Variants in AQP11 observed in about 807,000 individuals in gnomAD.
AQP11 encodes aquaporin-11.
AQP11 carries 20 observed loss-of-function variants against 21.1 expected under a neutral mutation model. The observed-to-expected ratio is 0.95, with a 90% CI of 0.67 to 1.38. The LOEUF (loss-of-function observed/expected upper bound fraction) is 1.38. AQP11 is among the 40% of genes most tolerant of loss of function. The pLI, the probability that AQP11 is intolerant of heterozygous loss-of-function variation, is 0.00. For synonymous variants in AQP11, 167 were observed against 150.1 expected (o/e 1.11, Z -0.82); for missense variants, 339 against 340.4 (o/e 1.00, Z 0.03).
intron 1 of AQP11, among the ~76,000 whole-genome samples, chr11:77,596,463 TATATATGTAA>T: frequency 7.0e-6 from 1 of 142,174 alleles, no homozygotes; most frequent in Non-Finnish European, 1.5e-5. Context: ...AAAATATATA[TATATATGTAA>T]ATATATATGT....
chr11:77,598,360 C>T (rs528577440), intron 1 of AQP11, among the ~76,000 whole-genome samples: 1 of 152,302 alleles, frequency 6.6e-6, no homozygotes, highest in South Asian at 2.1e-4. Flanking sequence ...TCACCAAATC[C>T]ATGCTGTCCT....
At chr11:77,595,521 T>C (rs1302305804) in intron 1 of AQP11, among the ~76,000 whole-genome samples, 1 of 152,220 alleles carries the variant, frequency 6.6e-6, no homozygotes, top group Non-Finnish European at 1.5e-5. Context: ...TTATTTGTCA[T>C]AACATATATC....
At position 77,590,376 on chromosome 11, in the gene AQP11, C is replaced by T. The variant is rs1300913629; in HGVS notation, c.384C>T (p.Ala128=). The T allele has an allele frequency of 3.1e-6, 5 of 1,613,776 alleles. No homozygotes were observed. Among genetic ancestry groups the T allele is most frequent in the Non-Finnish European group, 4.2e-6 (5 of 1,180,008 alleles). Residue 128 remains alanine, a synonymous_variant, in exon 1 of 3, where the codon GCC becomes GCT. Coordinates refer to ENST00000313578, the MANE Select transcript of AQP11 (RefSeq NM_173039.3). ...AVRLLAQLVS[A]LCSRYCTSAL... Reference sequence around the variant, plus strand: ...GGCTATTGGCTCAGCTGGTTAGTGCCCTGTGCAGCAGGTACTGCACAAGCG... The same window carrying T: ...GGCTATTGGCTCAGCTGGTTAGTGCTCTGTGCAGCAGGTACTGCACAAGCG...
At chr11:77,597,747 A>G (rs1288490259) in intron 1 of AQP11, among the ~76,000 whole-genome samples, 1 of 151,570 alleles carries the variant, frequency 6.6e-6, no homozygotes, top group Non-Finnish European at 1.5e-5. Flanking sequence ...TTAGAGAGGT[A>G]TTTTCTTTTT....
chr11:77,598,655 C>T (rs930942391), intron 1 of AQP11, among the ~76,000 whole-genome samples: 11 of 152,192 alleles, frequency 7.2e-5, no homozygotes, highest in African/African-American at 2.7e-4. Flanking sequence ...CTTCCTTCCA[C>T]GGTAATCCTT....
chr11:77,597,341 G>A lies in AQP11; in HGVS notation c.620-6215G>A, dbSNP rs1353833304. Among the ~76,000 whole-genome samples the A allele has an allele frequency of 2.0e-5, 3 of 152,232 alleles. No individual in the cohort carries two copies. In the East Asian group the frequency reaches 5.8e-4, roughly 29 times the overall value. ...AATCCCAGCACTTTGGGAGGCCAAGGTGGGCGGATCGCTTGAGGCCAGGAG... is the reference window on the plus strand; with the variant it reads ...AATCCCAGCACTTTGGGAGGCCAAGATGGGCGGATCGCTTGAGGCCAGGAG... On this transcript the variant is annotated intron_variant, in intron 1 of 2. Coordinates refer to ENST00000313578, the MANE Select transcript of AQP11 (RefSeq NM_173039.3).
At chr11:77,591,684 A>G (rs745822966) in intron 1 of AQP11, among the ~76,000 whole-genome samples, 3 of 152,010 alleles carry the variant, frequency 2.0e-5, no homozygotes, top group Non-Finnish European at 4.4e-5. Context: ...AGCCTCGCCA[A>G]CATGGTGAAA....
chr11:77,600,957 A>G (rs1305060408), intron 1 of AQP11, among the ~76,000 whole-genome samples: 1 of 151,572 alleles, frequency 6.6e-6, no homozygotes, highest in African/African-American at 2.4e-5. Flanking sequence ...GCTTGCAGTG[A>G]GCCGAGATCA....
At chr11:77,608,033 TG>T (rs1404813761) in intron 2 of AQP11, among the ~76,000 whole-genome samples, 6 of 152,078 alleles carry the variant, frequency 3.9e-5, no homozygotes, top group African/African-American at 1.2e-4. Flanking sequence ...GGTATCTAAG[TG>T]GTTGCCAAAC....
At chr11:77,607,919 A>C (rs1200069854) in intron 2 of AQP11, among the ~76,000 whole-genome samples, 1 of 152,126 alleles carries the variant, frequency 6.6e-6, no homozygotes, top group Non-Finnish European at 1.5e-5. Context: ...AAAAAATGAC[A>C]AAAAAATCTG....
Position 77,603,559 on chromosome 11 carries a change from G to A in AQP11, c.623G>A (p.Gly208Glu). The A allele has an allele frequency of 1.3e-6, 2 of 1,576,598 alleles. No individual in the cohort carries two copies. The highest frequency in any genetic ancestry group is 2.3e-5 in the East Asian group (1 of 43,436). Reference sequence around the variant, plus strand: ...CTCTGCTTAAAATCTGTTACAGGAGGAAGTCTAACAGGAGCTGTATTTAAT... The same window carrying A: ...CTCTGCTTAAAATCTGTTACAGGAGAAAGTCTAACAGGAGCTGTATTTAAT... Reference protein sequence around the residue: ...ALITFLVYAGGSLTGAVFNPA... With the variant: ...ALITFLVYAGESLTGAVFNPA... Residue 208 changes from glycine to glutamate, a missense_variant, in exon 2 of 3, where the codon GGA becomes GAA. By Grantham distance (98) the Gly-to-Glu change is moderately conservative. Coordinates refer to ENST00000313578, the MANE Select transcript of AQP11 (RefSeq NM_173039.3).
At chr11:77,599,273 TA>T (rs1226285528) in intron 1 of AQP11, among the ~76,000 whole-genome samples, 1 of 152,148 alleles carries the variant, frequency 6.6e-6, no homozygotes, top group Admixed American at 6.5e-5. Context: ...CTTTATTAAT[TA>T]TTTTTTTAAT....
At chr11:77,605,458 G>A (rs1374900200) in intron 2 of AQP11, among the ~76,000 whole-genome samples, 4 of 152,240 alleles carry the variant, frequency 2.6e-5, no homozygotes, top group South Asian at 4.2e-4. Flanking sequence ...TAACCAGGCC[G>A]CACAGCAGGA....
At chr11:77,590,755 C>T (rs1235607015) in intron 1 of AQP11, 144 bp downstream of exon 1, 2 of 1,480,100 alleles carry the variant, frequency 1.4e-6, no homozygotes, top group Non-Finnish European at 1.8e-6. Context: ...ATTTTGCAGC[C>T]CGTTCTTAAC....
At chr11:77,602,617 A>T (rs2135749614) in intron 1 of AQP11, among the ~76,000 whole-genome samples, 1 of 152,334 alleles carries the variant, frequency 6.6e-6, no homozygotes, top group East Asian at 1.9e-4. Flanking sequence ...AAATATCTTC[A>T]TCTCAACACA....
At chr11:77,604,595 C>A (rs753998940) in intron 2 of AQP11, among the ~76,000 whole-genome samples, 38 of 152,106 alleles carry the variant, frequency 2.5e-4, no homozygotes, top group Non-Finnish European at 4.6e-4. Flanking sequence ...CCTTGTTAGT[C>A]ATTTTCTTTA....
At position 77,609,869 on chromosome 11, in the gene AQP11, T is replaced by C. The variant is rs1228017781; in HGVS notation, c.*492T>C. ...GCAGTGTCATCTTTCAACAGGAAAGTTGCTTTTAGAAGTAGAATATATATT... is the reference window on the plus strand; with the variant it reads ...GCAGTGTCATCTTTCAACAGGAAAGCTGCTTTTAGAAGTAGAATATATATT... On this transcript the variant is annotated 3_prime_UTR_variant, in exon 3 of 3. Coordinates refer to ENST00000313578, the MANE Select transcript of AQP11 (RefSeq NM_173039.3). 1 of 152,336 alleles carries C rather than the reference T, an allele frequency of 6.6e-6. No homozygotes were observed. The highest frequency in any genetic ancestry group is 1.5e-5 in the Non-Finnish European group (1 of 68,124). The allele number at this position is 152,336 out of a possible 1,614,324, so 9.4% of individuals were successfully genotyped here. A position where few individuals can be genotyped will look rare whatever the true frequency, so the allele number is the denominator to read the frequency against.
chr11:77,604,994 C>A (rs1958835719), intron 2 of AQP11, among the ~76,000 whole-genome samples: 1 of 152,062 alleles, frequency 6.6e-6, no homozygotes, highest in South Asian at 2.1e-4. Context: ...GGGATTGAGA[C>A]CATCCTGGCT....
At chr11:77,596,261 T>C (rs1041733092) in intron 1 of AQP11, among the ~76,000 whole-genome samples, 2 of 150,796 alleles carry the variant, frequency 1.3e-5, no homozygotes, top group Non-Finnish European at 3.0e-5. Context: ...GCCAACATGG[T>C]AAAGCCCCAT....
Sources: gnomAD v4.1 joint callset for allele counts (sites outside exome capture counted in the v4.1 genomes callset) on GRCh38, gnomAD v4.1.1 for gene constraint, MANE v1.5 for transcripts, NCBI Gene and HGNC (gene_info 2026-07-23, HGNC 2026-07-21) for gene names.